Variants in PDXK observed in about 807,000 individuals in gnomAD.
The protein encoded by PDXK is pyridoxal kinase, also known as epididymis secretory sperm binding protein Li 1a.
In PDXK, 15 loss-of-function variants were observed where a neutral mutation model predicts 43.2. That is an observed-to-expected ratio of 0.35 (90% CI 0.23 to 0.53). The LOEUF (loss-of-function observed/expected upper bound fraction) is 0.53. PDXK is among the 20% of genes least tolerant of loss of function. The pLI, the probability that PDXK is intolerant of heterozygous loss-of-function variation, is 0.92. For missense variants in PDXK, 343 were observed against 417.0 expected (o/e 0.82, Z 1.54); for synonymous variants, 172 against 165.4 (o/e 1.04, Z -0.31).
rs140440458 is a variant in PDXK at position 43,758,730 on chromosome 21, G to T, written c.*2667G>T. On this transcript the variant is annotated 3_prime_UTR_variant, in exon 11 of 11. Coordinates refer to ENST00000291565, the MANE Select transcript of PDXK (RefSeq NM_003681.5). ...AATAATGAGAAGAATTTATTTTAAG[G>T]TGACAGCTATACTGGTCCAACATCG... 6.6e-6 allele frequency: 1 copy of T among 152,468 alleles called. No individual in the cohort carries two copies. Among genetic ancestry groups the T allele is most frequent in the Non-Finnish European group, 1.5e-5 (1 of 68,044 alleles). 9.4% of individuals were successfully genotyped at this position (152,468 alleles called of 1,614,324 possible).
At position 43,719,231 on chromosome 21, in the gene PDXK, G is replaced by A. The variant is rs1173199960; in HGVS notation, c.-64G>A. On this transcript the variant is annotated 5_prime_UTR_variant, in exon 1 of 11. Transcript: ENST00000291565. The stretch of plus-strand genomic sequence containing the variant: ...GAGCCCGAGCCCGAGCCGAGCCGGA[G>A]CCCGAGCGAGCGGCGGAGACCGTGC... 2 of 968,368 alleles carry A rather than the reference G, an allele frequency of 2.1e-6. No homozygotes were observed. The highest frequency in any genetic ancestry group is 3.6e-5 in the East Asian group (1 of 28,072). The allele number at this position is 968,368 out of a possible 1,614,324, so 60.0% of individuals were successfully genotyped here.
At chr21:43,750,586 G>C in intron 7 of PDXK, 41 bp downstream of exon 7, 2 of 1,522,580 alleles carry the variant, frequency 1.3e-6, no homozygotes, top group Non-Finnish European at 1.8e-6. Flanking sequence ...CACATGTGCC[G>C]CTCACGGTGG....
intron 6 of PDXK, 23 bp downstream of exon 6, chr21:43,749,103 A>T: frequency 1.4e-6 from 2 of 1,460,234 alleles, no homozygotes; most frequent in South Asian, 2.3e-5. Context: ...ATTTTATTTT[A>T]CTTTATTTAT....
chr21:43,745,837 T>G, intron 4 of PDXK: 1 of 550,950 alleles, frequency 1.8e-6, no homozygotes, highest in Non-Finnish European at 3.3e-6. Context: ...TCTGTACAAA[T>G]CATTTAAAAG....
chr21:43,750,816 A>G (rs1212601137), intron 7 of PDXK, among the ~76,000 whole-genome samples: 1 of 143,566 alleles, frequency 7.0e-6, no homozygotes, highest in African/African-American at 2.7e-5. Context: ...GTGTGCGCGC[A>G]CCCATGTGTG....
chr21:43,755,841 T>C, intron 10 of PDXK, 77 bp downstream of exon 10: 1 of 1,483,174 alleles, frequency 6.7e-7, no homozygotes, highest in Middle Eastern at 1.8e-4. Flanking sequence ...TGGCACGTGC[T>C]GGTTTTGAAG....
At chr21:43,728,880 A>G (rs1014774618) in intron 1 of PDXK, 4 of 985,402 alleles carry the variant, frequency 4.1e-6, no homozygotes, top group Admixed American at 6.1e-5. Context: ...AGTTCCCAGG[A>G]GGAAGTTGCG....
At chr21:43,739,817 C>T (rs1160603316) in intron 2 of PDXK, among the ~76,000 whole-genome samples, 1 of 151,796 alleles carries the variant, frequency 6.6e-6, no homozygotes, top group Non-Finnish European at 1.5e-5. Context: ...GTGAGTCCCA[C>T]CCTGCCTGGA....
chr21:43,740,547 C>T (rs1212850226), intron 2 of PDXK, among the ~76,000 whole-genome samples: 1 of 151,994 alleles, frequency 6.6e-6, no homozygotes. Context: ...TGGACCCCCA[C>T]CCTGTGTGGA....
intron 2 of PDXK, chr21:43,738,769 C>T (rs2083445441): frequency 6.6e-6 from 1 of 152,536 alleles, no homozygotes; most frequent in Non-Finnish European, 1.5e-5. Context: ...TAGATTACGC[C>T]TGTGACGCAC....
intron 1 of PDXK, among the ~76,000 whole-genome samples, chr21:43,727,275 G>A (rs983539326): frequency 3.3e-5 from 5 of 152,196 alleles, no homozygotes; most frequent in African/African-American, 1.2e-4. Flanking sequence ...AAGAACAGAG[G>A]GAACTTCTCA....
chr21:43,726,258 T>TTTTTTC lies in PDXK; in HGVS notation c.87+6889_87+6894dup. On this transcript the variant is annotated intron_variant, in intron 1 of 10. Coordinates refer to ENST00000291565, the MANE Select transcript of PDXK (RefSeq NM_003681.5). The stretch of plus-strand genomic sequence containing the variant: ...AAGAACTTATCGGTCCCGTTTTCCA[T>TTTTTTC]TTTTTCTTTTTCTTTTTTTTTTTTT... Among the ~76,000 whole-genome samples, 5 of 150,384 alleles carry TTTTTTC rather than the reference T, an allele frequency of 3.3e-5. No homozygotes were observed. In the South Asian group the frequency reaches 8.4e-4, roughly 25 times the overall value.
At chr21:43,731,197 A>G (rs2083312904) in intron 1 of PDXK, among the ~76,000 whole-genome samples, 1 of 152,234 alleles carries the variant, frequency 6.6e-6, no homozygotes, top group African/African-American at 2.4e-5. Context: ...GCATCTGGCA[A>G]TCGCGTGGCC....
chr21:43,722,745 T>C (rs2147201676), intron 1 of PDXK, among the ~76,000 whole-genome samples: 1 of 152,322 alleles, frequency 6.6e-6, no homozygotes, highest in Middle Eastern at 3.4e-3. Context: ...CCCAGTGTGC[T>C]CTCTTAAAAG....
chr21:43,724,238 G>A (rs1442135187), intron 1 of PDXK, among the ~76,000 whole-genome samples: 3 of 152,212 alleles, frequency 2.0e-5, no homozygotes, highest in African/African-American at 7.2e-5. Flanking sequence ...CAGGTGGACT[G>A]TGGCTCAAGC....
At chr21:43,747,913 A>G (rs937831169) in intron 5 of PDXK, among the ~76,000 whole-genome samples, 15 of 152,192 alleles carry the variant, frequency 9.9e-5, no homozygotes, top group African/African-American at 3.6e-4. Context: ...TTCCTGGTCC[A>G]GGGATCGGGG....
In PDXK at chr21:43,733,779, T is replaced by C. The variant is rs2083358869; in HGVS notation, c.88-290T>C. On this transcript the variant is annotated intron_variant, in intron 1 of 10. Coordinates refer to ENST00000291565, the MANE Select transcript of PDXK (RefSeq NM_003681.5). Reference sequence around the variant, plus strand: ...TGGGTGCGATTTCTGGAATGATGCGTGAAGTGCTTCCCCATGGAGGTCCTG... The same window carrying C: ...TGGGTGCGATTTCTGGAATGATGCGCGAAGTGCTTCCCCATGGAGGTCCTG... The C allele has an allele frequency of 4.8e-6, 4 of 827,194 alleles. No individual in the cohort carries two copies. In the Admixed American group the frequency reaches 1.3e-4, roughly 26 times the overall value. 51.2% of individuals were successfully genotyped at this position (827,194 alleles called of 1,614,324 possible).
intron 1 of PDXK, chr21:43,733,569 G>A (rs1033252886): frequency 3.7e-6 from 3 of 815,014 alleles, no homozygotes; most frequent in Admixed American, 5.3e-5. Context: ...CCCACTCCCT[G>A]ACTCTCACTC....
In PDXK at chr21:43,747,695, G is replaced by A. The variant is rs949238134; in HGVS notation, c.379-1300G>A. The stretch of plus-strand genomic sequence containing the variant: ...CGGCAGACACTTGCGTTTGGATCAC[G>A]AAGAGTTGGGGCCACTGTCCAGTTC... On this transcript the variant is annotated intron_variant, in intron 5 of 10. Coordinates refer to ENST00000291565, the MANE Select transcript of PDXK (RefSeq NM_003681.5). Among the ~76,000 whole-genome samples, 7 of 152,344 alleles carry A rather than the reference G, an allele frequency of 4.6e-5. No individual in the cohort carries two copies. In the East Asian group the frequency reaches 1.2e-3, roughly 25 times the overall value.
Sources: gnomAD v4.1 joint callset for allele counts (sites outside exome capture counted in the v4.1 genomes callset) on GRCh38, gnomAD v4.1.1 for gene constraint, MANE v1.5 for transcripts, NCBI Gene and HGNC (gene_info 2026-07-23, HGNC 2026-07-21) for gene names.